DLGAP2: variants seen among roughly 807,000 people sequenced by gnomAD.
DLGAP2 encodes the protein DLG associated protein 2.
In DLGAP2, 26 loss-of-function variants were observed where a neutral mutation model predicts 100.3. The observed-to-expected ratio is 0.26, with a 90% confidence interval of 0.19 to 0.36. DLGAP2 has a LOEUF of 0.36. Ranked by LOEUF, DLGAP2 falls within the 10% of genes least tolerant of loss-of-function variation. DLGAP2 has a pLI of 1.00. For synonymous variants in DLGAP2, 886 were observed against 630.1 expected (o/e 1.41, Z -6.08); for missense variants, 1,858 against 1,453.2 (o/e 1.28, Z -4.53).
chr8:1,039,524 AG>A (rs1802242075), intron 2 of DLGAP2, among the ~76,000 whole-genome samples: 1 of 115,432 alleles, frequency 8.7e-6, no homozygotes, highest in African/African-American at 3.6e-5. Context: ...GTGCATGTTC[AG>A]CTCGGTGTGC....
intron 2 of DLGAP2, among the ~76,000 whole-genome samples, chr8:1,008,614 G>A (rs931146949): frequency 6.6e-6 from 1 of 152,248 alleles, no homozygotes; most frequent in African/African-American, 2.4e-5. Context: ...GCCTTTGTCA[G>A]TGGAAGCCAA....
At chr8:1,468,817 C>G (rs1235470304) in intron 3 of DLGAP2, among the ~76,000 whole-genome samples, 3 of 152,216 alleles carry the variant, frequency 2.0e-5, no homozygotes, top group East Asian at 1.9e-4. Context: ...CCCTCCCACT[C>G]TCCATGGATG....
intron 3 of DLGAP2, among the ~76,000 whole-genome samples, chr8:1,418,631 A>G (rs1797003876): frequency 6.6e-6 from 1 of 152,192 alleles, no homozygotes; most frequent in African/African-American, 2.4e-5. Context: ...CTCGACACCA[A>G]ATGCAAGAAA....
At chr8:956,460 CCT>C (rs1419215499) in intron 2 of DLGAP2, among the ~76,000 whole-genome samples, 1 of 152,138 alleles carries the variant, frequency 6.6e-6, no homozygotes, top group Non-Finnish European at 1.5e-5. Context: ...ATGAGAGGAC[CCT>C]CTCAGCTCTG....
At chr8:804,715 C>A (rs892906739) in intron 1 of DLGAP2, among the ~76,000 whole-genome samples, 1 of 152,228 alleles carries the variant, frequency 6.6e-6, no homozygotes, top group Non-Finnish European at 1.5e-5. Flanking sequence ...CAGCTTAAGT[C>A]TTCCAGCAAG....
chr8:743,767 G>C (rs532893281), intron 1 of DLGAP2, among the ~76,000 whole-genome samples: 1 of 152,304 alleles, frequency 6.6e-6, no homozygotes, highest in African/African-American at 2.4e-5. Flanking sequence ...GTTTCACCAT[G>C]TTGTCCAGAC....
chr8:1,214,937 C>G (rs1287303095), intron 2 of DLGAP2, among the ~76,000 whole-genome samples: 1 of 152,194 alleles, frequency 6.6e-6, no homozygotes, highest in Non-Finnish European at 1.5e-5. Context: ...CTGAAACACA[C>G]TAGAACATGC....
intron 6 of DLGAP2, among the ~76,000 whole-genome samples, chr8:1,566,167 A>G (rs11787306): frequency 0.35 from 53,820 of 152,038 alleles, 10,393 homozygotes; most frequent in East Asian, 0.51. Context: ...TATCTTTCTG[A>G]TCATTCAGAT....
chr8:1,160,876 C>G (rs1197270555), intron 2 of DLGAP2, among the ~76,000 whole-genome samples: 3 of 152,188 alleles, frequency 2.0e-5, no homozygotes, highest in African/African-American at 7.2e-5. Context: ...AAATCTGAGT[C>G]TAGCAATCAG....
At chr8:1,127,908 C>A (rs911266407) in intron 2 of DLGAP2, among the ~76,000 whole-genome samples, 9 of 152,192 alleles carry the variant, frequency 5.9e-5, no homozygotes, top group Admixed American at 3.9e-4. Flanking sequence ...CTTTCCTATT[C>A]CGGATCTTTC....
intron 2 of DLGAP2, among the ~76,000 whole-genome samples, chr8:1,242,759 GTC>G (rs773335070): frequency 2.0e-5 from 3 of 152,176 alleles, no homozygotes; most frequent in African/African-American, 4.8e-5. Flanking sequence ...CGGATGGATG[GTC>G]AGACAGACGG....
At chr8:1,294,535 C>G (rs1283080888) in intron 3 of DLGAP2, among the ~76,000 whole-genome samples, 1 of 152,190 alleles carries the variant, frequency 6.6e-6, no homozygotes, top group African/African-American at 2.4e-5. Context: ...TTTGTGAGCT[C>G]TTTACAGCGA....
At chr8:1,041,550 C>T (rs1170518971) in intron 2 of DLGAP2, among the ~76,000 whole-genome samples, 1 of 149,958 alleles carries the variant, frequency 6.7e-6, no homozygotes, top group African/African-American at 2.5e-5. Flanking sequence ...GAGTGTTCTC[C>T]GAACCCCTTG....
chr8:1,440,849 G>A (rs1022417227), intron 3 of DLGAP2, among the ~76,000 whole-genome samples: 4 of 152,148 alleles, frequency 2.6e-5, no homozygotes, highest in African/African-American at 9.7e-5. Context: ...GGAACTCTCT[G>A]GAGTGCCCAG....
At chr8:1,039,392 G>A (rs189303722) in intron 2 of DLGAP2, among the ~76,000 whole-genome samples, 21 of 149,160 alleles carry the variant, frequency 1.4e-4, no homozygotes, top group East Asian at 4.0e-4. Context: ...CTCGGTTTCC[G>A]TGCTAAGCTT....
chr8:1,530,476 G>T (rs189137321), intron 4 of DLGAP2, among the ~76,000 whole-genome samples: 23 of 152,176 alleles, frequency 1.5e-4, no homozygotes, highest in African/African-American at 5.5e-4. Flanking sequence ...CACACATGCT[G>T]TACAATTTGT....
At chr8:1,574,120 C>A (rs1802867326) in intron 6 of DLGAP2, among the ~76,000 whole-genome samples, 1 of 152,094 alleles carries the variant, frequency 6.6e-6, no homozygotes, top group Admixed American at 6.5e-5. Flanking sequence ...ACCAAGTTCC[C>A]AAAGACAGCA....
intron 3 of DLGAP2, among the ~76,000 whole-genome samples, chr8:1,410,709 A>G (rs1796704275): frequency 1.3e-5 from 2 of 152,214 alleles, no homozygotes; most frequent in Non-Finnish European, 2.9e-5. Flanking sequence ...GCCTGCGTCA[A>G]ACCCCACGTC....
chr8:980,178 G>A (rs915776474), intron 2 of DLGAP2, among the ~76,000 whole-genome samples: 1 of 152,298 alleles, frequency 6.6e-6, no homozygotes, highest in East Asian at 1.9e-4. Flanking sequence ...AACTTGGAGG[G>A]ATTCAGGCCA....
Sources: allele counts gnomAD v4.1 joint callset (sites outside exome capture counted in the v4.1 genomes callset), GRCh38; gene constraint gnomAD v4.1.1; transcripts MANE v1.5; gene names NCBI Gene and HGNC (gene_info 2026-07-23, HGNC 2026-07-21).